Variants in RBBP8 observed in about 807,000 individuals in gnomAD.
RBBP8 encodes the protein RB binding protein 8, endonuclease, also known as DNA endonuclease RBBP8.
RBBP8 carries 88 observed loss-of-function variants against 108.3 expected under a neutral mutation model. The ratio of observed to expected loss-of-function variants is 0.81; its 90% CI spans 0.68 to 0.97. RBBP8 has a LOEUF of 0.97. RBBP8 is among the 50% of genes least tolerant of loss of function. The probability of loss-of-function intolerance (pLI) is 0.00; values close to 1 mark genes in which losing one functional copy is unlikely to be tolerated. For missense variants in RBBP8, 1,023 were observed against 1,049.0 expected (o/e 0.98, Z 0.34); for synonymous variants, 332 against 348.2 (o/e 0.95, Z 0.52).
At chr18:23,007,581 G>A (rs1292623939) in intron 16 of RBBP8, among the ~76,000 whole-genome samples, 1 of 150,240 alleles carries the variant, frequency 6.7e-6, no homozygotes, top group East Asian at 2.1e-4. Flanking sequence ...GCAGGCACCT[G>A]TAGTCACCGC....
intron 6 of RBBP8, among the ~76,000 whole-genome samples, chr18:22,978,712 C>T (rs1914670100): frequency 6.6e-6 from 1 of 152,100 alleles, no homozygotes; most frequent in African/African-American, 2.4e-5. Flanking sequence ...ATGACTTTAA[C>T]TTACTGTTTT....
At chr18:22,933,219 TC>T (rs1205705056), upstream of RBBP8, 1 of 151,998 alleles carries the variant, frequency 6.6e-6, no homozygotes, top group Non-Finnish European at 1.5e-5. Flanking sequence ...TCCCCAACCA[TC>T]GCCCTCCGGG....
intron 4 of RBBP8, among the ~76,000 whole-genome samples, chr18:22,959,754 A>G (rs1598665257): frequency 1.3e-5 from 2 of 150,304 alleles, no homozygotes; most frequent in African/African-American, 4.9e-5. Flanking sequence ...GTGTGTGTGT[A>G]TACTCTTGTT....
At chr18:23,025,388 T>C (rs1261780116) in intron 18 of RBBP8, among the ~76,000 whole-genome samples, 1 of 152,236 alleles carries the variant, frequency 6.6e-6, no homozygotes, top group Admixed American at 6.5e-5. Context: ...AACTGTAAGA[T>C]AGTTTTTCCA....
At chr18:22,948,936 TAGA>T (rs369202507) in intron 3 of RBBP8, among the ~76,000 whole-genome samples, 173 of 152,344 alleles carry the variant, frequency 1.1e-3, no homozygotes, top group African/African-American at 3.8e-3. Flanking sequence ...CAGGTTTAAG[TAGA>T]AGAAGATTCT....
At chr18:23,002,069 C>G (rs892979872) in intron 15 of RBBP8, among the ~76,000 whole-genome samples, 1 of 152,088 alleles carries the variant, frequency 6.6e-6, no homozygotes, top group South Asian at 2.1e-4. Flanking sequence ...TGAGAAATGT[C>G]TATTAATTAT....
chr18:23,000,401 C>G (rs1158222546), intron 14 of RBBP8, among the ~76,000 whole-genome samples: 2 of 152,036 alleles, frequency 1.3e-5, no homozygotes, highest in Non-Finnish European at 2.9e-5. Context: ...CTACCAGATG[C>G]TAATGAAGAT....
intron 4 of RBBP8, among the ~76,000 whole-genome samples, chr18:22,956,133 T>G (rs1912519630): frequency 6.6e-6 from 1 of 152,150 alleles, no homozygotes; most frequent in South Asian, 2.1e-4. Flanking sequence ...TGTTGCTAAC[T>G]AAATACTACC....
intron 4 of RBBP8, among the ~76,000 whole-genome samples, chr18:22,962,996 A>T (rs1444357689): frequency 6.6e-6 from 1 of 152,116 alleles, no homozygotes; most frequent in Non-Finnish European, 1.5e-5. Context: ...CCAGATTCCA[A>T]GTCAAACAAT....
In RBBP8 at chr18:22,991,529, C is replaced by T. The variant is rs568815306; in HGVS notation, c.920+480C>T. ...CCATGGGTACCAAAATCCAAAGATGCTCAAGTCCGTTACATAAAATGGCCA... is the reference window on the plus strand; with the variant it reads ...CCATGGGTACCAAAATCCAAAGATGTTCAAGTCCGTTACATAAAATGGCCA... On this transcript the variant is annotated intron_variant, in intron 10 of 18. Transcript: ENST00000327155. 5.3e-5 allele frequency among the ~76,000 whole-genome samples: 8 copies of T among 152,328 alleles called. No individual in the cohort carries two copies. The South Asian group carries it at 6.2e-4, about 12-fold the overall frequency.
chr18:22,975,231 C>T lies in RBBP8; in HGVS notation c.428+12C>T. 1.2e-6 allele frequency: 2 copies of T among 1,612,078 alleles called. No homozygotes were observed. The highest frequency in any genetic ancestry group is 1.7e-6 in the Non-Finnish European group (2 of 1,178,972). On this transcript the variant is annotated intron_variant, in intron 6 of 18. Transcript: ENST00000327155. ...CAGCAGAAAATTGAGTAAGTATTTT[C>T]CTCCAACCTTGTTATTTTATTTTAT...
chr18:22,987,477 G>A (rs191279594), intron 8 of RBBP8, among the ~76,000 whole-genome samples: 9 of 151,926 alleles, frequency 5.9e-5, no homozygotes, highest in Admixed American at 3.3e-4. Context: ...TTTTTGAGAC[G>A]GGGTCTGTCC....
chr18:22,978,581 C>G (rs938594328), intron 6 of RBBP8, among the ~76,000 whole-genome samples: 1 of 151,776 alleles, frequency 6.6e-6, no homozygotes, highest in Non-Finnish European at 1.5e-5. Flanking sequence ...AATTGCTTCT[C>G]GTGACTCATT....
intron 2 of RBBP8, among the ~76,000 whole-genome samples, chr18:22,941,346 A>G (rs1016320690): frequency 1.6e-4 from 25 of 151,894 alleles, no homozygotes; most frequent in Admixed American, 3.9e-4. Flanking sequence ...TAATTTTTGT[A>G]TTTTTAGTAG....
intron 4 of RBBP8, among the ~76,000 whole-genome samples, chr18:22,962,021 A>G (rs1419182013): frequency 1.3e-5 from 2 of 152,262 alleles, no homozygotes; most frequent in African/African-American, 2.4e-5. Flanking sequence ...GTGCTTAAAC[A>G]TGTCCAGTGA....
In RBBP8 at chr18:22,993,250, A is replaced by G. The variant is rs142044547; in HGVS notation, c.1423A>G (p.Met475Val). 117 of 1,614,224 alleles carry G rather than the reference A, an allele frequency of 7.2e-5. No individual in the cohort carries two copies. Among genetic ancestry groups the G allele is most frequent in the African/African-American group, 4.3e-4 (32 of 75,054 alleles). Residue 475 changes from methionine (M) to valine (V), a missense_variant, in exon 11 of 19, where the codon ATG becomes GTG. Coordinates refer to ENST00000327155, the MANE Select transcript of RBBP8 (RefSeq NM_002894.3). ...TAAAGAAAATGCTTTCCCTTTTCCA[A>G]TGGATAATCAGTTTTCCATGAATGG... Reference protein sequence around the residue: ...FDKENAFPFPMDNQFSMNGDC... With the variant: ...FDKENAFPFPVDNQFSMNGDC...
At chr18:23,012,773 GT>G (rs2046190911) in intron 16 of RBBP8, among the ~76,000 whole-genome samples, 1 of 152,202 alleles carries the variant, frequency 6.6e-6, no homozygotes, top group African/African-American at 2.4e-5. Flanking sequence ...TAGATTTTCA[GT>G]GCAGATGAAA....
Position 22,992,840 on chromosome 18 carries a change from G to A in RBBP8, c.1013G>A (p.Ser338Asn), listed in dbSNP as rs1338875041. The change falls in exon 11 of 19, where the codon AGT becomes AAT. Residue 338 changes from serine to asparagine, a missense_variant. Coordinates refer to ENST00000327155, the MANE Select transcript of RBBP8 (RefSeq NM_002894.3). ...PVFGATSSIKSGLDLNTSLSP... is the reference protein window; with the variant it reads ...PVFGATSSIKNGLDLNTSLSP... ...TTTGGAGCTACCTCTAGTATCAAAA[G>A]TGGTTTAGATTTGAATACAAGTTTG... 6 of 1,612,890 alleles carry A rather than the reference G, an allele frequency of 3.7e-6. No homozygotes were observed. Among genetic ancestry groups the A allele is most frequent in the Non-Finnish European group, 5.1e-6 (6 of 1,179,124 alleles).
At chr18:22,937,188 C>A in intron 2 of RBBP8, 1 of 783,618 alleles carries the variant, frequency 1.3e-6, no homozygotes, top group Non-Finnish European at 1.9e-6. Flanking sequence ...TTTTTCAATC[C>A]CCACCCTCTT....
Sources: gnomAD v4.1 joint callset for allele counts (sites outside exome capture counted in the v4.1 genomes callset) on GRCh38, gnomAD v4.1.1 for gene constraint, MANE v1.5 for transcripts, NCBI Gene and HGNC (gene_info 2026-07-23, HGNC 2026-07-21) for gene names.